ATG7: variants seen among roughly 807,000 people sequenced by gnomAD.
The protein encoded by ATG7 is ubiquitin-like modifier-activating enzyme ATG7.
In ATG7, 70 loss-of-function variants were observed where a neutral mutation model predicts 82.4. The observed-to-expected ratio is 0.85, with a 90% CI of 0.70 to 1.04. The LOEUF is 1.04. Ranked by LOEUF, ATG7 falls within the 50% of genes least tolerant of loss-of-function variation. The pLI, the probability that ATG7 is intolerant of heterozygous loss-of-function variation, is 0.00. For missense variants in ATG7, 792 were observed against 864.3 expected, an observed-to-expected ratio of 0.92 and a Z score of 1.05; for synonymous variants, 287 against 313.0, an observed-to-expected ratio of 0.92 and a Z score of 0.88.
chr3:11,453,788 C>G (rs1409895786), intron 20 of ATG7, among the ~76,000 whole-genome samples: 1 of 152,036 alleles, frequency 6.6e-6, no homozygotes, highest in Non-Finnish European at 1.5e-5. Flanking sequence ...AAGGCCTGAG[C>G]AAACCCTCAG....
rs765065034 is a variant in ATG7 at position 11,380,039 on chromosome 3, C to T, written c.1943C>T (p.Ala648Val). The change falls in exon 19 of 21, where the codon GCT becomes GTT. Residue 648 changes from alanine to valine, a missense_variant. Physicochemically the swap from Ala to Val is moderately conservative, Grantham distance 64. Coordinates refer to ENST00000693202, the MANE Select transcript of ATG7 (RefSeq NM_001349232.2). ...PVSLAFDKCT[A>V]CSSKVLDQYE... ...AGCCTGGCATTTGACAAATGTACAG[C>T]TTGTTCTTCCAAAGTAAGTCATTTT... The T allele has an allele frequency of 6.2e-7, 1 of 1,613,854 alleles. No homozygotes were observed. Among genetic ancestry groups the T allele is most frequent in the South Asian group, 1.1e-5 (1 of 91,082 alleles).
intron 20 of ATG7, among the ~76,000 whole-genome samples, chr3:11,461,502 T>C (rs905670325): frequency 6.6e-6 from 1 of 152,158 alleles, no homozygotes; most frequent in Non-Finnish European, 1.5e-5. Context: ...AAAACCTCGT[T>C]TTGCAGGTTA....
At chr3:11,493,727 T>C (rs2090588600) in intron 20 of ATG7, among the ~76,000 whole-genome samples, 1 of 152,092 alleles carries the variant, frequency 6.6e-6, no homozygotes, top group African/African-American at 2.4e-5. Flanking sequence ...AACAAAAGTT[T>C]CCGTGATACA....
the ATG7 span, chr3:11,564,981 C>T: frequency 1.5e-4 from 225 of 1,529,160 alleles, 1 homozygote; most frequent in South Asian, 2.5e-3. Flanking sequence ...GCTCCGCTCC[C>T]GGGGGTCTCT....
chr3:11,537,014 T>A (rs1031873868), intron 20 of ATG7, among the ~76,000 whole-genome samples: 4 of 152,096 alleles, frequency 2.6e-5, no homozygotes, highest in African/African-American at 9.7e-5. Context: ...TTCTGCAGTT[T>A]AGAATAAACC....
chr3:11,417,784 A>G (rs981926487), intron 19 of ATG7, among the ~76,000 whole-genome samples: 1 of 56,772 alleles, frequency 1.8e-5, no homozygotes, highest in Non-Finnish European at 3.9e-5. Context: ...GCATTTAAAA[A>G]ATTATTATTA....
chr3:11,275,524 T>A (rs1941569323), intron 1 of ATG7, among the ~76,000 whole-genome samples: 1 of 147,932 alleles, frequency 6.8e-6, no homozygotes, highest in African/African-American at 2.5e-5. Flanking sequence ...AATTTTTTTT[T>A]TTTTTTTTTT....
chr3:11,372,794 A>G (rs568554205), intron 18 of ATG7, among the ~76,000 whole-genome samples: 10 of 144,510 alleles, frequency 6.9e-5, no homozygotes, highest in South Asian at 4.4e-4. Context: ...TTGGTAGGTA[A>G]GGGCTGGGTG....
rs139770731 is a variant in ATG7, at chr3:11,336,314, G to A, written c.889+3221G>A. Among the ~76,000 whole-genome samples, 284 of 152,172 alleles carry A rather than the reference G, an allele frequency of 1.9e-3. 1 individual carries two copies. The highest frequency in any genetic ancestry group is 6.5e-3 in the African/African-American group (271 of 41,502). On this transcript the variant is annotated intron_variant, in intron 11 of 20. Coordinates refer to ENST00000693202, the MANE Select transcript of ATG7 (RefSeq NM_001349232.2). ...CTCCCAAGGTGCTAGGATTACAGGC[G>A]TGAGTCACACGTCCAGCCGATGCTG...
intron 18 of ATG7, among the ~76,000 whole-genome samples, chr3:11,368,294 C>T (rs6786098): frequency 0.015 from 2,317 of 150,936 alleles, 52 homozygotes; most frequent in African/African-American, 0.053. Context: ...TTTTCCCTCC[C>T]GGCTGGTGGC....
chr3:11,442,739 C>CCAAAAAA (rs1553668928), intron 20 of ATG7, among the ~76,000 whole-genome samples: 7,732 of 69,082 alleles, frequency 0.11, 1,961 homozygotes, highest in Middle Eastern at 0.15. Flanking sequence ...TCCATCTCTA[C>CCAAAAAA]AAAAAAAAAA....
chr3:11,547,358 C>T (rs1353700646), intron 20 of ATG7, among the ~76,000 whole-genome samples: 2 of 152,146 alleles, frequency 1.3e-5, no homozygotes, highest in African/African-American at 4.8e-5. Context: ...GTGACATTCC[C>T]CTGTGTGGAC....
chr3:11,446,617 T>A (rs2084582830), intron 20 of ATG7: 1 of 361,390 alleles, frequency 2.8e-6, no homozygotes, highest in Non-Finnish European at 5.4e-6. Flanking sequence ...ACATGATACA[T>A]CATGGTACTT....
intron 20 of ATG7, among the ~76,000 whole-genome samples, chr3:11,468,555 ATCAT>A (rs1222896076): frequency 6.6e-6 from 1 of 152,154 alleles, no homozygotes; most frequent in Non-Finnish European, 1.5e-5. Flanking sequence ...TGGATTTCAC[ATCAT>A]TCATTAGCCC....
Position 11,556,749 on chromosome 3 carries a change from C to T in ATG7, c.*1906C>T, listed in dbSNP as rs754690019. 2.0e-5 allele frequency: 3 copies of T among 152,682 alleles called. No homozygotes were observed. Among genetic ancestry groups the T allele is most frequent in the Admixed American group, 6.5e-5 (1 of 15,288 alleles). 9.5% of individuals were successfully genotyped at this position (152,682 alleles called of 1,614,324 possible). On this transcript the variant is annotated 3_prime_UTR_variant, in exon 21 of 21. Coordinates refer to ENST00000693202, the MANE Select transcript of ATG7 (RefSeq NM_001349232.2). ...TTCTCTGTACATTCTTTACGCACAG[C>T]GTAACGATGGTCTCAAAATCACCCA...
chr3:11,392,956 C>T (rs2078938852), intron 19 of ATG7, among the ~76,000 whole-genome samples: 1 of 152,200 alleles, frequency 6.6e-6, no homozygotes, highest in African/African-American at 2.4e-5. Context: ...CAGCATGTTC[C>T]TGTGGACTGG....
intron 18 of ATG7, among the ~76,000 whole-genome samples, chr3:11,370,156 C>A (rs2076896227): frequency 6.6e-6 from 1 of 151,180 alleles, no homozygotes; most frequent in African/African-American, 2.4e-5. Context: ...TCATCTTTCA[C>A]TTTTAATTAA....
chr3:11,549,260 G>A (rs114030559), intron 20 of ATG7, among the ~76,000 whole-genome samples: 2,439 of 152,254 alleles, frequency 0.016, 66 homozygotes, highest in African/African-American at 0.055. Flanking sequence ...CTTAAAAACT[G>A]TATATATTCA....
intron 20 of ATG7, among the ~76,000 whole-genome samples, chr3:11,456,029 T>C (rs1449092100): frequency 6.6e-6 from 1 of 152,112 alleles, no homozygotes; most frequent in Non-Finnish European, 1.5e-5. Flanking sequence ...AAATATACAG[T>C]TCAATAATTT....
Sources: allele counts gnomAD v4.1 joint callset (sites outside exome capture counted in the v4.1 genomes callset), GRCh38; gene constraint gnomAD v4.1.1; transcripts MANE v1.5; gene names NCBI Gene and HGNC (gene_info 2026-07-23, HGNC 2026-07-21).